Variants in NETO1 observed in about 807,000 individuals in gnomAD.
NETO1 encodes neuropilin and tolloid like 1, also known as neuropilin and tolloid-like protein 1.
A neutral mutation model predicts 61.3 loss-of-function variants in NETO1; 26 were observed. The ratio of observed to expected loss-of-function variants is 0.42; its 90% CI spans 0.31 to 0.59. NETO1 has a LOEUF of 0.59. Among genes scored for constraint, NETO1 ranks in the 20% least tolerant of loss-of-function variants. The pLI is 0.12. For synonymous variants in NETO1, 225 were observed against 225.8 expected (o/e 1.00, Z 0.03); for missense variants, 531 against 662.8 (o/e 0.80, Z 2.18).
chr18:72,846,969 T>A lies in NETO1; in HGVS notation c.469+11857A>T, dbSNP rs1438403084. Among the ~76,000 whole-genome samples, 7 of 152,234 alleles carry A rather than the reference T, an allele frequency of 4.6e-5. No homozygotes were observed. The East Asian group carries it at 1.3e-3, about 29-fold the overall frequency. On this transcript the variant is annotated intron_variant, in intron 4 of 10. Coordinates refer to ENST00000327305, the MANE Select transcript of NETO1 (RefSeq NM_138966.5). ...AAGTACGCATTCCTTTCAGACTGCATGGGCAAGCAAAACGGAAGTTGGAGA... is the reference window on the plus strand; with the variant it reads ...AAGTACGCATTCCTTTCAGACTGCAAGGGCAAGCAAAACGGAAGTTGGAGA...
chr18:72,827,943 T>A (rs1905558), intron 4 of NETO1, among the ~76,000 whole-genome samples: 74,956 of 151,948 alleles, frequency 0.49, 18,830 homozygotes, highest in East Asian at 0.67. Context: ...TCAGATGTTA[T>A]CTTTTGCTAC....
intron 4 of NETO1, among the ~76,000 whole-genome samples, chr18:72,851,376 A>G (rs1333014344): frequency 6.6e-6 from 1 of 150,638 alleles, no homozygotes; most frequent in Non-Finnish European, 1.5e-5. Context: ...GCACCACTGC[A>G]CTCCAGCCTG....
intron 6 of NETO1, among the ~76,000 whole-genome samples, chr18:72,784,147 C>G (rs748421973): frequency 6.6e-5 from 10 of 151,950 alleles, no homozygotes; most frequent in Admixed American, 1.3e-4. Context: ...GTATTTTTAC[C>G]CAAATTCGCT....
chr18:72,757,654 T>C (rs1433759967), intron 7 of NETO1, among the ~76,000 whole-genome samples: 1 of 152,174 alleles, frequency 6.6e-6, no homozygotes, highest in Non-Finnish European at 1.5e-5. Flanking sequence ...TAACACTTTA[T>C]TTTGCTAATG....
chr18:72,831,663 T>C (rs891942115), intron 4 of NETO1, among the ~76,000 whole-genome samples: 3 of 152,232 alleles, frequency 2.0e-5, no homozygotes, highest in Non-Finnish European at 2.9e-5. Flanking sequence ...GTATCTAAAA[T>C]ATTTTGGCAG....
chr18:72,850,750 T>C (rs1599154129), intron 4 of NETO1, among the ~76,000 whole-genome samples: 1 of 152,216 alleles, frequency 6.6e-6, no homozygotes, highest in Admixed American at 6.5e-5. Context: ...TCATGTTTCT[T>C]GAGTTTTTCT....
intron 7 of NETO1, 123 bp from the exon 8 acceptor site, chr18:72,756,270 T>A (rs2070780546): frequency 1.8e-6 from 1 of 569,678 alleles, no homozygotes; most frequent in Admixed American, 3.1e-5. Context: ...AGATAAATGA[T>A]CTGCCGTGCG....
chr18:72,760,590 C>G (rs1001649396), intron 7 of NETO1, among the ~76,000 whole-genome samples: 1 of 152,192 alleles, frequency 6.6e-6, no homozygotes, highest in African/African-American at 2.4e-5. Context: ...TGGTCTCTGA[C>G]TCCCAGGGTT....
intron 4 of NETO1, among the ~76,000 whole-genome samples, chr18:72,845,524 C>G (rs897472251): frequency 6.6e-6 from 1 of 152,126 alleles, no homozygotes; most frequent in Admixed American, 6.5e-5. Context: ...AAGACCTACA[C>G]AAATAGACCA....
At chr18:72,828,875 T>G (rs2073480513) in intron 4 of NETO1, among the ~76,000 whole-genome samples, 1 of 152,204 alleles carries the variant, frequency 6.6e-6, no homozygotes, top group Non-Finnish European at 1.5e-5. Context: ...AATTGTCAGT[T>G]GGCAAAATTA....
intron 4 of NETO1, among the ~76,000 whole-genome samples, chr18:72,818,460 G>C (rs532443230): frequency 7.2e-5 from 11 of 152,250 alleles, no homozygotes; most frequent in Middle Eastern, 6.8e-3. Flanking sequence ...TTCTAACCTT[G>C]GGTCACACTA....
chr18:72,836,620 C>A, intron 4 of NETO1, among the ~76,000 whole-genome samples: 1 of 151,996 alleles, frequency 6.6e-6, no homozygotes, highest in African/African-American at 2.4e-5. Flanking sequence ...AAACATAAAC[C>A]AAAGCACAGA....
chr18:72,841,071 T>C (rs2073915187), intron 4 of NETO1, among the ~76,000 whole-genome samples: 1 of 152,170 alleles, frequency 6.6e-6, no homozygotes, highest in South Asian at 2.1e-4. Flanking sequence ...CTACTCTTCT[T>C]CTAGCTGCTG....
At chr18:72,772,733 AC>A (rs1291414369) in intron 7 of NETO1, among the ~76,000 whole-genome samples, 5 of 124,984 alleles carry the variant, frequency 4.0e-5, no homozygotes, top group Non-Finnish European at 8.3e-5. Context: ...TGTATCATGT[AC>A]ACACACACAT....
chr18:72,750,421 C>T lies in NETO1; in HGVS notation c.1182G>A (p.Glu394=), dbSNP rs1364492181. ...FQEVFEPPHY[E]LCTLRGTGAT... is the part of the protein sequence containing the mutation. ...CTCCTGTCCCTCTGAGAGTGCATAA[C>T]TCATAATGAGGAGGTTCAAATACCT... The change falls in exon 9 of 11, where the codon GAG becomes GAA. Residue 394 remains glutamate, a synonymous_variant. Transcript: ENST00000327305. The T allele has an allele frequency of 4.3e-6, 7 of 1,614,006 alleles. No homozygotes were observed. The highest frequency in any genetic ancestry group is 5.9e-6 in the Non-Finnish European group (7 of 1,180,020).
At position 72,744,185 on chromosome 18, in the gene NETO1, T is replaced by C. The variant is rs933411193; in HGVS notation, c.*3994A>G. 29 of 152,176 alleles carry C rather than the reference T, an allele frequency of 1.9e-4. No homozygotes were observed. Among genetic ancestry groups the C allele is most frequent in the African/African-American group, 6.8e-4 (28 of 41,434 alleles). 9.4% of individuals were successfully genotyped at this position (152,176 alleles called of 1,614,324 possible). A position where few individuals can be genotyped will look rare whatever the true frequency, so the allele number is the denominator to read the frequency against. ...CAAGAAAATGATGAGTTGATATGAG[T>C]GTCTGACATCAGTCACCCTAATTGT... On this transcript the variant is annotated 3_prime_UTR_variant, in exon 11 of 11. Transcript: ENST00000327305.
In NETO1 at chr18:72,855,589, G is replaced by T. The variant is rs535824772; in HGVS notation, c.469+3237C>A. Among the ~76,000 whole-genome samples the T allele has an allele frequency of 2.6e-5, 4 of 152,240 alleles. No individual in the cohort carries two copies. In the South Asian group the frequency reaches 8.3e-4, roughly 32 times the overall value. ...GGACCTCCAGTTGGGCTGTTCCCAC[G>T]TACAAATGGGAATTCAGAAGCACAG... is the stretch of plus-strand genomic sequence containing the variant. On this transcript the variant is annotated intron_variant, in intron 4 of 10. Transcript: ENST00000327305.
chr18:72,846,468 G>A (rs1214748078), intron 4 of NETO1, among the ~76,000 whole-genome samples: 3 of 115,976 alleles, frequency 2.6e-5, no homozygotes, highest in Non-Finnish European at 4.9e-5. Context: ...TCGTGCCACT[G>A]CACTCCAGCC....
chr18:72,810,030 AT>A (rs1231141274), intron 4 of NETO1, among the ~76,000 whole-genome samples: 3 of 152,258 alleles, frequency 2.0e-5, no homozygotes, highest in African/African-American at 7.2e-5. Flanking sequence ...TTCTAAAAAA[AT>A]AAAACATTGT....
Sources: gnomAD v4.1 joint callset for allele counts (sites outside exome capture counted in the v4.1 genomes callset) on GRCh38, gnomAD v4.1.1 for gene constraint, MANE v1.5 for transcripts, NCBI Gene and HGNC (gene_info 2026-07-23, HGNC 2026-07-21) for gene names.